TBCK: variants seen among roughly 807,000 people sequenced by gnomAD.
TBCK encodes the protein TBC domain-containing protein kinase-like protein.
A neutral mutation model predicts 113.4 loss-of-function variants in TBCK; 99 were observed. The ratio of observed to expected loss-of-function variants is 0.87; its 90% CI spans 0.74 to 1.03. The LOEUF is 1.03. TBCK is among the 50% of genes least tolerant of loss of function. The pLI, the probability that TBCK is intolerant of heterozygous loss-of-function variation, is 0.00. For missense variants in TBCK, 1,045 were observed against 1,061.3 expected (o/e 0.98, Z 0.21); for synonymous variants, 369 against 370.8 (o/e 1.00, Z 0.05).
At chr4:106,216,437 C>T (rs376408612) in intron 19 of TBCK, among the ~76,000 whole-genome samples, 13 of 151,836 alleles carry the variant, frequency 8.6e-5, no homozygotes, top group South Asian at 6.2e-4. Context: ...AGCTGGTTTT[C>T]TGAAAGGATC....
In TBCK at chr4:106,295,147, A is replaced by C. The variant is rs370925445; in HGVS notation, c.213T>G (p.Ala71=). 3.7e-5 allele frequency: 60 copies of C among 1,613,370 alleles called. 1 individual carries two copies. The highest frequency in any genetic ancestry group is 5.0e-5 in the Non-Finnish European group (59 of 1,179,670). ...CTTCCAGACTACGTTCACAATGTTC[A>C]GCCACGACCACTAGTCGTTCTGAGA... ...RGKHERLVVV[A]EHCERSLEDL... Residue 71 remains alanine (A), a synonymous_variant, in exon 3 of 26, where the codon GCT becomes GCG. Coordinates refer to ENST00000394708, the MANE Select transcript of TBCK (RefSeq NM_001163435.3).
chr4:106,130,986 G>T (rs894057557), intron 23 of TBCK, among the ~76,000 whole-genome samples: 8 of 152,056 alleles, frequency 5.3e-5, no homozygotes, highest in Non-Finnish European at 7.4e-5. Context: ...GATTGATATG[G>T]ACTAGCTGGG....
At position 106,194,748 on chromosome 4, in the gene TBCK, C is replaced by T. The variant is rs1034198791; in HGVS notation, c.1867G>A (p.Ala623Thr). ...AACATGGTAAGAAACCAAGGGATGG[C>T]ATAGAGCTATGAGTGGAAAAAGGGG... ...NEIGFIPDLY[A>T]IPWFLTMFTH... Residue 623 changes from alanine to threonine, a missense_variant, in exon 21 of 26, where the codon GCC (alanine) becomes ACC (threonine). By Grantham distance (58) the Ala-to-Thr change is moderately conservative. Coordinates refer to ENST00000394708, the MANE Select transcript of TBCK (RefSeq NM_001163435.3). The T allele has an allele frequency of 6.3e-7, 1 of 1,581,610 alleles. No homozygotes were observed. The highest frequency in any genetic ancestry group is 8.6e-7 in the Non-Finnish European group (1 of 1,169,228).
chr4:106,223,579 T>C (rs990647304), intron 19 of TBCK, among the ~76,000 whole-genome samples: 8 of 152,106 alleles, frequency 5.3e-5, no homozygotes, highest in Non-Finnish European at 1.2e-4. Context: ...TACGATTCTT[T>C]CCCTCAAAAG....
At chr4:106,210,818 C>G (rs1756044323) in intron 20 of TBCK, among the ~76,000 whole-genome samples, 1 of 152,070 alleles carries the variant, frequency 6.6e-6, no homozygotes, top group African/African-American at 2.4e-5. Flanking sequence ...ATATTTTTAA[C>G]TCAACATTGT....
chr4:106,270,861 G>GA (rs1200398461), intron 3 of TBCK, among the ~76,000 whole-genome samples: 1 of 152,108 alleles, frequency 6.6e-6, no homozygotes, highest in African/African-American at 2.4e-5. Context: ...TATGATTGCT[G>GA]AAAAAACCCT....
At chr4:106,182,720 A>G (rs1752546053) in intron 22 of TBCK, 3 of 152,032 alleles carry the variant, frequency 2.0e-5, no homozygotes, top group Admixed American at 6.6e-5. Context: ...GTAGAAGAAG[A>G]CTGAAAATTA....
chr4:106,279,313 T>C (rs1469123816), intron 3 of TBCK, among the ~76,000 whole-genome samples: 1 of 152,176 alleles, frequency 6.6e-6, no homozygotes, highest in Non-Finnish European at 1.5e-5. Flanking sequence ...TTTTTTTAAT[T>C]TTAATTTTTG....
At chr4:106,167,969 G>A (rs1395714635) in intron 23 of TBCK, among the ~76,000 whole-genome samples, 2 of 151,648 alleles carry the variant, frequency 1.3e-5, no homozygotes, top group Non-Finnish European at 3.0e-5. Flanking sequence ...TCTTTGAGAG[G>A]ACAGAAGCAA....
At chr4:106,223,670 T>G (rs907584679) in intron 19 of TBCK, among the ~76,000 whole-genome samples, 7 of 152,140 alleles carry the variant, frequency 4.6e-5, no homozygotes, top group African/African-American at 1.7e-4. Flanking sequence ...TCTCCTCTTA[T>G]CTTTACCTTT....
chr4:106,306,236 ATTTTTTTTTT>A (rs60417567), intron 2 of TBCK, among the ~76,000 whole-genome samples: 36 of 97,350 alleles, frequency 3.7e-4, no homozygotes, highest in Admixed American at 1.6e-3. Context: ...TGCCTGGCTA[ATTTTTTTTTT>A]TTTTTTTTTT....
intron 25 of TBCK, among the ~76,000 whole-genome samples, chr4:106,084,244 C>G (rs1027204890): frequency 1.1e-4 from 17 of 152,124 alleles, no homozygotes; most frequent in Admixed American, 6.5e-5. Flanking sequence ...GGAACATAAA[C>G]GACCTGAAGG....
intron 25 of TBCK, among the ~76,000 whole-genome samples, chr4:106,081,061 A>G (rs1226005775): frequency 6.6e-6 from 1 of 152,174 alleles, no homozygotes; most frequent in Non-Finnish European, 1.5e-5. Context: ...ACTTTTACAC[A>G]TTGGTGTTAG....
chr4:106,222,941 T>C (rs1377458145), intron 19 of TBCK, among the ~76,000 whole-genome samples: 1 of 152,240 alleles, frequency 6.6e-6, no homozygotes, highest in East Asian at 1.9e-4. Flanking sequence ...CCACTTTCTT[T>C]CCTTCTCACA....
intron 3 of TBCK, among the ~76,000 whole-genome samples, chr4:106,269,083 T>C (rs1763252176): frequency 6.6e-6 from 1 of 152,106 alleles, no homozygotes. Context: ...AAATTTTCCT[T>C]TTGGTCTAAA....
intron 23 of TBCK, among the ~76,000 whole-genome samples, chr4:106,127,772 G>A (rs1024446665): frequency 1.3e-5 from 2 of 152,046 alleles, no homozygotes; most frequent in Middle Eastern, 3.4e-3. Flanking sequence ...AAATGATTAC[G>A]CTGAAGAAAG....
intron 19 of TBCK, among the ~76,000 whole-genome samples, chr4:106,219,703 AACTTTTTTT>A (rs1757442066): frequency 6.6e-6 from 1 of 151,938 alleles, no homozygotes; most frequent in Non-Finnish European, 1.5e-5. Flanking sequence ...CAATGAGCTC[AACTTTTTTT>A]TTTTTAAATA....
In TBCK at chr4:106,044,762, G is replaced by GT. The variant is rs1386430681; in HGVS notation, c.*1807dup. On this transcript the variant is annotated 3_prime_UTR_variant, in exon 26 of 26. Transcript: ENST00000394708. ...CACTAAAAACTACTGAACTGTACAT[G>GT]TTAAAAGGATGAATTTTATGGTTAA... 47 of 152,166 alleles carry GT rather than the reference G, an allele frequency of 3.1e-4. No homozygotes were observed. The highest frequency in any genetic ancestry group is 1.1e-3 in the African/African-American group (45 of 41,440). The allele number at this position is 152,166 out of a possible 1,614,324, so 9.4% of individuals were successfully genotyped here. A position where few individuals can be genotyped will look rare whatever the true frequency, so the allele number is the denominator to read the frequency against.
intron 4 of TBCK, 23 bp from the exon 5 acceptor site, chr4:106,260,533 C>T: frequency 1.3e-6 from 1 of 768,412 alleles, no homozygotes; most frequent in Non-Finnish European, 1.9e-6. Context: ...AGAAAAAAAA[C>T]ACTATCAAAT....
Sources: allele counts gnomAD v4.1 joint callset (sites outside exome capture counted in the v4.1 genomes callset), GRCh38; gene constraint gnomAD v4.1.1; transcripts MANE v1.5; gene names NCBI Gene and HGNC (gene_info 2026-07-23, HGNC 2026-07-21).